The following CYBB variants were observed in gnomAD, a reference collection of about 807,000 sequenced individuals.
CYBB encodes cytochrome b-245 beta chain, also known as NADPH oxidase 2.
CYBB carries 5 observed loss-of-function variants against 46.5 expected under a neutral mutation model. The ratio of observed to expected loss-of-function variants is 0.11; its 90% CI spans 0.06 to 0.23. The LOEUF (loss-of-function observed/expected upper bound fraction) is 0.23, where lower values mean the gene tolerates loss of function less well. CYBB is among the 10% of genes least tolerant of loss of function. The pLI is 1.00. For synonymous variants in CYBB, 183 were observed against 156.7 expected (o/e 1.17, Z -1.26); for missense variants, 307 against 428.3 (o/e 0.72, Z 2.50).
chrX:37,808,664 C>T (rs1322088815), intron 11 of CYBB, among the ~76,000 whole-genome samples: 1 of 111,867 alleles, frequency 8.9e-6, no homozygotes, highest in African/African-American at 3.2e-5. Flanking sequence ...TTTCAAAATG[C>T]CAGTTCTGCA....
chrX:37,806,409 G>A lies in CYBB; in HGVS notation c.1337G>A (p.Arg446Gln), dbSNP rs782621538. ...CAGATCTACTTCTACTGGCTGTGCCGGGACACACATGCCTTTGAGTGGTTT... is the reference window on the plus strand; with the variant it reads ...CAGATCTACTTCTACTGGCTGTGCCAGGACACACATGCCTTTGAGTGGTTT... ...LKKIYFYWLCRDTHAFEWFAD... is the reference protein window; with the variant it reads ...LKKIYFYWLCQDTHAFEWFAD... Residue 446 changes from arginine to glutamine, a missense_variant, in exon 11 of 13, where the codon CGG becomes CAG. Coordinates refer to ENST00000378588, the MANE Select transcript of CYBB (RefSeq NM_000397.4). 3.3e-6 allele frequency: 4 copies of A among 1,208,881 alleles called. No homozygotes were observed. The highest frequency in any genetic ancestry group is 1.8e-5 in the African/African-American group (1 of 57,022).
At chrX:37,801,391 A>G in intron 8 of CYBB, 43 bp downstream of exon 8, 2 of 901,675 alleles carry the variant, frequency 2.2e-6, no homozygotes, top group East Asian at 6.2e-5. Flanking sequence ...GTGTCTAACT[A>G]TATCATGGAC....
At chrX:37,798,477 A>C (rs1387492146) in intron 6 of CYBB, among the ~76,000 whole-genome samples, 1 of 112,146 alleles carries the variant, frequency 8.9e-6, no homozygotes, top group Non-Finnish European at 1.9e-5. Context: ...TGACTGTCTC[A>C]GTTGTCTACT....
Position 37,783,607 on chromosome X carries a change from G to T in CYBB, c.252+7G>T. 8.8e-7 allele frequency: 1 copy of T among 1,139,818 alleles called. No individual in the cohort carries two copies. The allele number at this position is 1,139,818 out of a possible 1,213,427, so 93.9% of individuals were successfully genotyped here. On this transcript the variant is annotated splice_region_variant and intron_variant, in intron 3 of 12. Transcript: ENST00000378588. ...CCTCAGGGGTTCCAGTGCGGTAAGA[G>T]AAAATGTTTTACTAAGTTCCTCTAA... is the stretch of plus-strand genomic sequence containing the variant.
intron 3 of CYBB, among the ~76,000 whole-genome samples, chrX:37,785,123 T>G (rs1333101457): frequency 8.9e-6 from 1 of 112,385 alleles, no homozygotes; most frequent in African/African-American, 3.2e-5. Flanking sequence ...CAAAATACCA[T>G]TTCATCTTAA....
At chrX:37,809,436 A>T (rs1386129802) in intron 11 of CYBB, 131 bp from the exon 12 acceptor site, 5 of 734,460 alleles carry the variant, frequency 6.8e-6, no homozygotes, top group Non-Finnish European at 8.2e-6. Flanking sequence ...GATCCAGTTT[A>T]TTTATCTTTG....
chrX:37,780,201 T>C (rs1928919792), intron 1 of CYBB, 79 bp downstream of exon 1: 2 of 839,397 alleles, frequency 2.4e-6, no homozygotes, highest in Admixed American at 2.3e-5. Context: ...CCAAAGCTTT[T>C]TTGTTCATTT....
chrX:37,807,312 GTA>G (rs782769773), intron 11 of CYBB, among the ~76,000 whole-genome samples: 1 of 108,558 alleles, frequency 9.2e-6, no homozygotes, highest in South Asian at 3.8e-4. Context: ...AAAGGATTCT[GTA>G]TATATATATT....
intron 2 of CYBB, 49 bp downstream of exon 2, chrX:37,782,232 A>C: frequency 3.6e-6 from 3 of 837,177 alleles, no homozygotes; most frequent in Non-Finnish European, 5.4e-6. Flanking sequence ...CACATTTCTC[A>C]TCAGACATTC....
chrX:37,783,061 A>G (rs1928987196), intron 2 of CYBB, among the ~76,000 whole-genome samples: 1 of 111,646 alleles, frequency 9.0e-6, no homozygotes, highest in African/African-American at 3.2e-5. Flanking sequence ...AACTCTAGTT[A>G]ATGATATGCA....
intron 6 of CYBB, 151 bp from the exon 7 acceptor site, chrX:37,798,804 C>G: frequency 1.9e-6 from 1 of 539,689 alleles, no homozygotes; most frequent in Non-Finnish European, 3.1e-6. Context: ...ATTTTCTTTC[C>G]TTTCATCTAT....
Position 37,782,168 on chromosome X carries a change from A to G in CYBB, c.126A>G (p.Thr42=), listed in dbSNP as rs782767053. 5.9e-6 allele frequency: 7 copies of G among 1,180,953 alleles called. No individual in the cohort carries two copies. Among genetic ancestry groups the G allele is most frequent in the South Asian group, 3.6e-5 (2 of 56,182 alleles). Residue 42 remains threonine, a synonymous_variant, in exon 2 of 13, where the codon ACA becomes ACG. Coordinates refer to ENST00000378588, the MANE Select transcript of CYBB (RefSeq NM_000397.4). ...VYDIPPKFFY[T]RKLLGSALAL... ...ATATTCCACCTAAGTTCTTTTACAC[A>G]AGAAAACTTCTTGGGGTAAGTATAA...
At position 37,810,797 on chromosome X, in the gene CYBB, A is replaced by G; in HGVS notation, c.1593A>G (p.Arg531=). 8.3e-7 allele frequency: 1 copy of G among 1,209,273 alleles called. No homozygotes were observed. ...KTIASQHPNT[R]IGVFLCGPEA... Reference sequence around the variant, plus strand: ...TTTTTTTCTTTCCCAAAAGTACCAGAATAGGAGTTTTCCTCTGTGGACCTG... The same window carrying G: ...TTTTTTTCTTTCCCAAAAGTACCAGGATAGGAGTTTTCCTCTGTGGACCTG... Residue 531 remains arginine, a synonymous_variant, in exon 13 of 13, where the codon AGA becomes AGG. Coordinates refer to ENST00000378588, the MANE Select transcript of CYBB (RefSeq NM_000397.4).
In CYBB at chrX:37,811,031, T is replaced by C; in HGVS notation, c.*114T>C. ...AAATGGACAAAAAGAAACTATAATG[T>C]AATGGTTTTCCCTTAAAGGAATGTC... is the stretch of plus-strand genomic sequence containing the variant. On this transcript the variant is annotated 3_prime_UTR_variant, in exon 13 of 13. Coordinates refer to ENST00000378588, the MANE Select transcript of CYBB (RefSeq NM_000397.4). 1 of 709,870 alleles carries C rather than the reference T, an allele frequency of 1.4e-6. No individual in the cohort carries two copies. Among genetic ancestry groups the C allele is most frequent in the South Asian group, 2.4e-5 (1 of 41,561 alleles). The allele number at this position is 709,870 out of a possible 1,213,427, so 58.5% of individuals were successfully genotyped here.
At chrX:37,801,618 G>T (rs1014600064) in intron 8 of CYBB, among the ~76,000 whole-genome samples, 1 of 109,075 alleles carries the variant, frequency 9.2e-6, no homozygotes, top group African/African-American at 3.3e-5. Flanking sequence ...GTGTGTGTGT[G>T]TGTGTGTGTG....
intron 4 of CYBB, 76 bp from the exon 5 acceptor site, chrX:37,793,589 T>C: frequency 9.2e-7 from 1 of 1,086,491 alleles, no homozygotes; most frequent in East Asian, 3.0e-5. Context: ...AGTCAGAGGC[T>C]GTCCCAGAAA....
chrX:37,806,393 T>G lies in CYBB; in HGVS notation c.1321T>G (p.Phe441Val). 1 of 1,211,114 alleles carries G rather than the reference T, an allele frequency of 8.3e-7. No individual in the cohort carries two copies. Among genetic ancestry groups the G allele is most frequent in the Non-Finnish European group, 1.1e-6 (1 of 895,001 alleles). The change falls in exon 11 of 13, where the codon TTC becomes GTC. Residue 441 changes from phenylalanine (F) to valine (V), a missense_variant. Around this residue, in one of 3 missense-constraint regions of CYBB, gnomAD observed 122 missense variants for 208.3 expected, o/e 0.59. Coordinates refer to ENST00000378588, the MANE Select transcript of CYBB (RefSeq NM_000397.4). Reference protein sequence around the residue: ...ATNLKLKKIYFYWLCRDTHAF... With the variant: ...ATNLKLKKIYVYWLCRDTHAF... ...TGATCCACCCCATTTTCAGATCTAC[T>G]TCTACTGGCTGTGCCGGGACACACA...
At chrX:37,795,769 A>G (rs35578419) in intron 5 of CYBB, among the ~76,000 whole-genome samples, 182 bp from the exon 6 acceptor site, 270 of 112,706 alleles carry the variant, frequency 2.4e-3, no homozygotes, top group Middle Eastern at 4.6e-3. Context: ...TCAAATCTAT[A>G]TCTGTCTGTG....
At chrX:37,806,658 G>A (rs181199656) in intron 11 of CYBB, 125 bp downstream of exon 11, 28 of 643,594 alleles carry the variant, frequency 4.4e-5, no homozygotes, top group Non-Finnish European at 5.9e-5. Context: ...TTGGTGATCC[G>A]GTCCATTCAC....
Sources: gnomAD v4.1 joint callset for allele counts (sites outside exome capture counted in the v4.1 genomes callset) on GRCh38, gnomAD v4.1.1 for gene constraint, gnomAD v4.1.1 regional missense constraint, MANE v1.5 for transcripts, NCBI Gene and HGNC (gene_info 2026-07-23, HGNC 2026-07-21) for gene names.